Variants in LAMB1 observed in about 807,000 individuals in gnomAD.
The protein encoded by LAMB1 is laminin subunit beta-1.
Under a neutral mutation model 222.3 loss-of-function variants are expected in LAMB1, and 121 were observed. The observed-to-expected ratio is 0.54, with a 90% confidence interval of 0.47 to 0.63. The LOEUF (loss-of-function observed/expected upper bound fraction) is 0.63. Ranked by LOEUF, LAMB1 falls within the 30% of genes least tolerant of loss-of-function variation. The pLI is 0.00. For missense variants in LAMB1, 2,172 were observed against 2,240.8 expected (o/e 0.97, Z 0.62); for synonymous variants, 794 against 807.2 (o/e 0.98, Z 0.28).
rs765551841 is a variant in LAMB1, at chr7:107,961,239, G to A, written c.2076C>T (p.Ser692=). Residue 692 remains serine, a synonymous_variant, in exon 17 of 34, where the codon AGC becomes AGT. Transcript: ENST00000222399. ...LELPQYTSSD[S]DVESPYTLID... ...TCAGCGTGTAGGGGCTCTCCACGTC[G>A]CTATCAGAGGAGGTGTACTGAGGCA... 8.7e-6 allele frequency: 14 copies of A among 1,613,810 alleles called. No individual in the cohort carries two copies. Among genetic ancestry groups the A allele is most frequent in the Non-Finnish European group, 8.5e-7 (1 of 1,179,972 alleles).
In LAMB1 at chr7:107,975,675, AT is replaced by A. The variant is rs746428218; in HGVS notation, c.1189+13del. On this transcript the variant is annotated intron_variant, in intron 10 of 33. Transcript: ENST00000222399. Reference sequence around the variant, plus strand: ...AAGTAGGTCCCACACAGTGAGTGACATTTCTCAACATACGTTCACAGAAATT... The same window carrying A: ...AAGTAGGTCCCACACAGTGAGTGACATTCTCAACATACGTTCACAGAAATT... 1 of 1,602,860 alleles carries A rather than the reference AT, an allele frequency of 6.2e-7. No homozygotes were observed. The highest frequency in any genetic ancestry group is 1.7e-5 in the Admixed American group (1 of 59,198).
intron 13 of LAMB1, among the ~76,000 whole-genome samples, chr7:107,970,866 G>C (rs2033734996): frequency 6.6e-6 from 1 of 151,994 alleles, no homozygotes; most frequent in African/African-American, 2.4e-5. Flanking sequence ...CCAAGTAGCT[G>C]AGATTACAGG....
In LAMB1 at chr7:107,940,065, C is replaced by G. The variant is rs776806359; in HGVS notation, c.3685G>C (p.Glu1229Gln). ...TVDSVERKVS[E>Q]IKDILAQSPA... is the part of the protein sequence containing the mutation. ...CTCTGCGCCAGGATGTCTTTTATCTCGCTGACTTTCCTCTCCACCGAGTCC... is the reference window on the plus strand; with the variant it reads ...CTCTGCGCCAGGATGTCTTTTATCTGGCTGACTTTCCTCTCCACCGAGTCC... The change falls in exon 25 of 34, where the codon GAG (glutamate) becomes CAG (glutamine). Residue 1229 changes from glutamate (E) to glutamine (Q), a missense_variant. Coordinates refer to ENST00000222399, the MANE Select transcript of LAMB1 (RefSeq NM_002291.3). The G allele has an allele frequency of 3.1e-6, 5 of 1,614,128 alleles. No individual in the cohort carries two copies. The Admixed American group carries it at 6.7e-5, about 22-fold the overall frequency.
chr7:107,972,584 TCA>T (rs2033770392), intron 13 of LAMB1, among the ~76,000 whole-genome samples: 1 of 114,550 alleles, frequency 8.7e-6, no homozygotes. Flanking sequence ...GACTTGGAAG[TCA>T]CAAAAAAAAA....
chr7:107,935,343 CTTTGTTTTTTTTTTTT>C lies in LAMB1; in HGVS notation c.4188+56_4188+71del. 6.9e-5 allele frequency: 94 copies of C among 1,371,492 alleles called. No individual in the cohort carries two copies. The African/African-American group carries it at 1.7e-3, about 24-fold the overall frequency. 85.0% of individuals were successfully genotyped at this position (1,371,492 alleles called of 1,614,324 possible). ...TAATGACAAAAGATGGTTTGTTTTT[CTTTGTTTTTTTTTTTT>C]TTTTTTTTTTTTTTGCTTGGCACCA... On this transcript the variant is annotated intron_variant, in intron 27 of 33. Transcript: ENST00000222399.
intron 5 of LAMB1, among the ~76,000 whole-genome samples, chr7:107,987,764 A>C (rs999410628): frequency 1.3e-5 from 2 of 152,168 alleles, no homozygotes; most frequent in Admixed American, 1.3e-4. Flanking sequence ...GGCCTCCCAA[A>C]GTGAGGGGAT....
chr7:107,998,433 A>C lies in LAMB1; in HGVS notation c.273T>G (p.Pro91=), dbSNP rs564512150. Residue 91 remains proline (P), a synonymous_variant, in exon 4 of 34, where the codon CCT becomes CCG. Coordinates refer to ENST00000222399, the MANE Select transcript of LAMB1 (RefSeq NM_002291.3). ...SQDPYHETLN[P]DSHLIENVVT... is the part of the protein sequence containing the mutation. Reference sequence around the variant, plus strand: ...CCACATTTTCAATGAGATGGCTGTCAGGATTCAGGGTCTCATGATAAGGAT... The same window carrying C: ...CCACATTTTCAATGAGATGGCTGTCCGGATTCAGGGTCTCATGATAAGGAT... 1 of 1,613,938 alleles carries C rather than the reference A, an allele frequency of 6.2e-7. No homozygotes were observed. The highest frequency in any genetic ancestry group is 2.2e-5 in the East Asian group (1 of 44,880).
rs765853398 is a variant in LAMB1 at position 107,973,068 on chromosome 7, C to G, written c.1486G>C (p.Glu496Gln). Reference protein sequence around the residue: ...TGQHCDQCLPEHWGLSNDLDG... With the variant: ...TGQHCDQCLPQHWGLSNDLDG... ...AAATCATTGCTTAAGCCCCAGTGCT[C>G]TGGCTGCAGAACAAAACGTGAAACA... The change falls in exon 13 of 34, where the codon GAG (glutamate) becomes CAG (glutamine). Residue 496 changes from glutamate to glutamine, a missense_variant. By Grantham distance (29) the Glu-to-Gln change is conservative (BLOSUM62 2). Coordinates refer to ENST00000222399, the MANE Select transcript of LAMB1 (RefSeq NM_002291.3). 3.7e-6 allele frequency: 6 copies of G among 1,613,594 alleles called. No homozygotes were observed. Among genetic ancestry groups the G allele is most frequent in the Non-Finnish European group, 5.1e-6 (6 of 1,179,618 alleles).
intron 13 of LAMB1, among the ~76,000 whole-genome samples, chr7:107,969,506 C>A (rs1216516617): frequency 6.6e-6 from 1 of 152,180 alleles, no homozygotes; most frequent in Non-Finnish European, 1.5e-5. Context: ...TTCCTCCCCA[C>A]CCCCAACTAG....
At chr7:107,938,710 C>T (rs563050259) in intron 25 of LAMB1, among the ~76,000 whole-genome samples, 1 of 152,238 alleles carries the variant, frequency 6.6e-6, no homozygotes, top group Admixed American at 6.5e-5. Context: ...ATTCGGACCA[C>T]GGCCTGCCAA....
At chr7:107,973,112 T>C (rs2033782990) in intron 12 of LAMB1, 41 bp from the exon 13 acceptor site, 3 of 1,516,396 alleles carry the variant, frequency 2.0e-6, no homozygotes, top group East Asian at 2.3e-5. Context: ...TAGGTTTCTG[T>C]AATTATGCAA....
chr7:107,975,533 C>T (rs1402339306), intron 10 of LAMB1, 120 bp from the exon 11 acceptor site: 1 of 1,245,198 alleles, frequency 8.0e-7, no homozygotes, highest in East Asian at 2.5e-5. Context: ...AGCAGCACAA[C>T]TACCAAGTAA....
chr7:107,980,766 T>C lies in LAMB1; in HGVS notation c.722A>G (p.His241Arg). Residue 241 changes from histidine (H) to arginine (R), a missense_variant, in exon 8 of 34, where the codon CAT becomes CGT. Transcript: ENST00000222399. ...TNLRIKFVKLHTLGDNLLDSR... is the reference protein window; with the variant it reads ...TNLRIKFVKLRTLGDNLLDSR... ...ATCCAGAAGGTTATCTCCCAAAGTA[T>C]GCAGTTTCACAAACTTGATTCTCAA... 2.5e-6 allele frequency: 4 copies of C among 1,612,634 alleles called. No individual in the cohort carries two copies. Among genetic ancestry groups the C allele is most frequent in the Non-Finnish European group, 3.4e-6 (4 of 1,178,654 alleles).
rs776089921 is a variant in LAMB1 at position 107,959,879 on chromosome 7, T to A, written c.2315-45A>T. The A allele has an allele frequency of 5.0e-6, 8 of 1,589,972 alleles. No homozygotes were observed. In the East Asian group the frequency reaches 1.4e-4, roughly 27 times the overall value. ...AGAACCCATGACACGGAGCAGCACA[T>A]CATCGGGCTCTCCCTGATCCTTTCT... is the stretch of plus-strand genomic sequence containing the variant. On this transcript the variant is annotated intron_variant, in intron 18 of 33. Coordinates refer to ENST00000222399, the MANE Select transcript of LAMB1 (RefSeq NM_002291.3).
chr7:107,984,036 T>G (rs1050856537), intron 7 of LAMB1, among the ~76,000 whole-genome samples: 1 of 152,120 alleles, frequency 6.6e-6, no homozygotes, highest in African/African-American at 2.4e-5. Context: ...CAACCCTCAT[T>G]TTATTGAGTA....
intron 18 of LAMB1, 152 bp downstream of exon 18, chr7:107,960,293 C>A: frequency 1.6e-6 from 1 of 617,370 alleles, no homozygotes; most frequent in Non-Finnish European, 2.9e-6. Context: ...TGAAATATTA[C>A]TTAAAAAGAT....
In LAMB1 at chr7:107,988,753, C is replaced by T. The variant is rs371487489; in HGVS notation, c.424-2390G>A. Among the ~76,000 whole-genome samples the T allele has an allele frequency of 3.3e-5, 5 of 152,242 alleles. No homozygotes were observed. In the East Asian group the frequency reaches 7.7e-4, roughly 24 times the overall value. The stretch of plus-strand genomic sequence containing the variant: ...GTGTCCTTATAAGAACAGATGAGGA[C>T]ACACACATGCACAGAGGGAAGACCA... On this transcript the variant is annotated intron_variant, in intron 5 of 33. Coordinates refer to ENST00000222399, the MANE Select transcript of LAMB1 (RefSeq NM_002291.3).
intron 14 of LAMB1, among the ~76,000 whole-genome samples, chr7:107,963,652 A>G (rs572591542): frequency 1.3e-5 from 2 of 152,328 alleles, no homozygotes; most frequent in African/African-American, 4.8e-5. Context: ...GTGTGGCCTT[A>G]CCCATCAAGA....
intron 24 of LAMB1, among the ~76,000 whole-genome samples, chr7:107,941,840 T>A (rs924641746): frequency 1.5e-5 from 2 of 131,298 alleles, no homozygotes; most frequent in Non-Finnish European, 3.3e-5. Flanking sequence ...TTTTTTTTTT[T>A]TTTTTTTTTT....
Sources: allele counts gnomAD v4.1 joint callset (sites outside exome capture counted in the v4.1 genomes callset), GRCh38; gene constraint gnomAD v4.1.1; transcripts MANE v1.5; gene names NCBI Gene and HGNC (gene_info 2026-07-23, HGNC 2026-07-21).